MRPL39: variants seen among roughly 807,000 people sequenced by gnomAD.
MRPL39 encodes the protein large ribosomal subunit protein mL39.
Under a neutral mutation model 44.5 loss-of-function variants are expected in MRPL39, and 35 were observed. The ratio of observed to expected loss-of-function variants is 0.79; its 90% CI spans 0.60 to 1.04. The LOEUF is 1.04. Ranked by LOEUF, MRPL39 falls within the 50% of genes least tolerant of loss-of-function variation. The pLI is 0.00. For synonymous variants in MRPL39, 139 were observed against 136.1 expected (o/e 1.02, Z -0.15); for missense variants, 433 against 413.5 (o/e 1.05, Z -0.41).
intron 5 of MRPL39, among the ~76,000 whole-genome samples, chr21:25,599,125 T>TA (rs2031448183): frequency 6.6e-6 from 1 of 152,204 alleles, no homozygotes; most frequent in African/African-American, 2.4e-5. Context: ...CAGCACCCCT[T>TA]ACCTACTGAG....
intron 9 of MRPL39, among the ~76,000 whole-genome samples, chr21:25,587,427 G>T (rs2031033711): frequency 6.6e-6 from 1 of 152,078 alleles, no homozygotes; most frequent in Admixed American, 6.5e-5. Context: ...GAACATTATG[G>T]TGAAGTCCCT....
intron 2 of MRPL39, 86 bp from the exon 3 acceptor site, chr21:25,604,021 T>C (rs2031596485): frequency 7.9e-7 from 1 of 1,272,452 alleles, no homozygotes. Flanking sequence ...AATATAACAA[T>C]GGAAAGGCAA....
At chr21:25,589,693 TGGGCAGGCCAGTGA>T (rs2031111580) in intron 8 of MRPL39, among the ~76,000 whole-genome samples, 1 of 152,222 alleles carries the variant, frequency 6.6e-6, no homozygotes, top group Non-Finnish European at 1.5e-5. Context: ...ACAAGACATA[TGGGCAGGCCAGTGA>T]CTACTCCACA....
intron 1 of MRPL39, among the ~76,000 whole-genome samples, chr21:25,607,101 G>A (rs529582126): frequency 1.3e-5 from 2 of 152,376 alleles, no homozygotes; most frequent in Admixed American, 6.5e-5. Context: ...AGTATTCCTT[G>A]GGAAGACATG....
At position 25,591,079 on chromosome 21, in the gene MRPL39, C is replaced by CA. The variant is rs55796940; in HGVS notation, c.921+1732dup. On this transcript the variant is annotated intron_variant, in intron 8 of 9. Transcript: ENST00000352957. ...GGAGCAATCTGACATCTATAGCCCA[C>CA]AAAAAAAAAAAAAAAAAAAAAAAAC... Among the ~76,000 whole-genome samples, 317 of 128,960 alleles carry CA rather than the reference C, an allele frequency of 2.5e-3. 1 individual carries two copies. Among genetic ancestry groups the CA allele is most frequent in the African/African-American group, 8.0e-3 (269 of 33,546 alleles). The allele number at this position is 128,960 out of a possible 152,430, so 84.6% of individuals were successfully genotyped here.
At chr21:25,594,025 C>A in intron 6 of MRPL39, 67 bp from the exon 7 acceptor site, 1 of 1,278,600 alleles carries the variant, frequency 7.8e-7, no homozygotes. Flanking sequence ...TTAAAGATAC[C>A]TCCCTTTCTC....
At chr21:25,605,561 T>C (rs963498246) in intron 2 of MRPL39, among the ~76,000 whole-genome samples, 3 of 152,172 alleles carry the variant, frequency 2.0e-5, no homozygotes, top group African/African-American at 7.2e-5. Flanking sequence ...TCTGAGGCCA[T>C]GGCAATCCCT....
At chr21:25,593,225 A>T (rs1240975886) in intron 7 of MRPL39, among the ~76,000 whole-genome samples, 1 of 152,208 alleles carries the variant, frequency 6.6e-6, no homozygotes, top group Non-Finnish European at 1.5e-5. Context: ...GCAACACATC[A>T]TGCTATCAAG....
At chr21:25,601,729 G>T (rs1487171906) in intron 3 of MRPL39, among the ~76,000 whole-genome samples, 1 of 152,142 alleles carries the variant, frequency 6.6e-6, no homozygotes, top group Non-Finnish European at 1.5e-5. Context: ...TATCAACCCC[G>T]ACAGATAGTT....
upstream of MRPL39, chr21:25,607,509 C>G: frequency 6.2e-7 from 1 of 1,601,486 alleles, no homozygotes; most frequent in Non-Finnish European, 8.5e-7. Flanking sequence ...GCAAGTCCTT[C>G]TCCGCCCTCC....
intron 9 of MRPL39, 31 bp downstream of exon 9, chr21:25,588,804 A>G: frequency 1.3e-6 from 2 of 1,570,956 alleles, no homozygotes; most frequent in Non-Finnish European, 8.7e-7. Flanking sequence ...TCTTTATAGA[A>G]GAGTACTCAA....
intron 6 of MRPL39, 23 bp from the exon 7 acceptor site, chr21:25,593,981 A>G: frequency 6.2e-7 from 1 of 1,601,174 alleles, no homozygotes; most frequent in Admixed American, 1.7e-5. Context: ...AAAGAAAAAA[A>G]CATTTTTTTA....
chr21:25,602,489 G>C (rs2031550622), intron 3 of MRPL39, among the ~76,000 whole-genome samples: 1 of 152,088 alleles, frequency 6.6e-6, no homozygotes, highest in Non-Finnish European at 1.5e-5. Flanking sequence ...CTCATTGTTG[G>C]CTATTACTGT....
Position 25,597,426 on chromosome 21 carries a change from A to C in MRPL39, c.589-12T>G. 1 of 1,427,510 alleles carries C rather than the reference A, an allele frequency of 7.0e-7. No homozygotes were observed. The highest frequency in any genetic ancestry group is 9.8e-7 in the Non-Finnish European group (1 of 1,024,480). The allele number at this position is 1,427,510 out of a possible 1,614,324, so 88.4% of individuals were successfully genotyped here. A position where few individuals can be genotyped will look rare whatever the true frequency, so the allele number is the denominator to read the frequency against. On this transcript the variant is annotated splice_polypyrimidine_tract_variant and intron_variant, in intron 5 of 9. Coordinates refer to ENST00000352957, the MANE Select transcript of MRPL39 (RefSeq NM_017446.4). ...GAACGTAAGTTCTCCTTAAAAATGAAAGTAATAACCTTTAGTAACAATTCA... is the reference window on the plus strand; with the variant it reads ...GAACGTAAGTTCTCCTTAAAAATGACAGTAATAACCTTTAGTAACAATTCA...
Position 25,597,351 on chromosome 21 carries a change from T to G in MRPL39, c.652A>C (p.Thr218Pro). ...ALIYKDLPFE[T>P]LEVEAKVALE... The stretch of plus-strand genomic sequence containing the variant: ...GCCACTTTTGCTTCAACTTCCAGAG[T>G]TTCAAATGGAAGATCTTTATAAATT... The change falls in exon 6 of 10, where the codon ACT (threonine) becomes CCT (proline). Residue 218 changes from threonine to proline, a missense_variant. Coordinates refer to ENST00000352957, the MANE Select transcript of MRPL39 (RefSeq NM_017446.4). The G allele has an allele frequency of 1.9e-6, 3 of 1,603,844 alleles. No individual in the cohort carries two copies. The highest frequency in any genetic ancestry group is 1.7e-6 in the Non-Finnish European group (2 of 1,174,050).
In MRPL39 at chr21:25,603,948, AAC is replaced by A. The variant is rs752536491; in HGVS notation, c.281-15_281-14del. The A allele has an allele frequency of 4.4e-6, 7 of 1,599,970 alleles. No homozygotes were observed. ...CACTCGCTTAAATCTAGAAATTTAA[AAC>A]AGACTGATTATCTAACAAAATCCAG... On this transcript the variant is annotated splice_polypyrimidine_tract_variant and intron_variant, in intron 2 of 9. Transcript: ENST00000352957.
In MRPL39 at chr21:25,592,858, C is replaced by G; in HGVS notation, c.875G>C (p.Ser292Thr). 1 of 1,612,978 alleles carries G rather than the reference C, an allele frequency of 6.2e-7. No individual in the cohort carries two copies. The highest frequency in any genetic ancestry group is 1.3e-5 in the African/African-American group (1 of 75,006). ...CACGCCCTGGAATCTTCGTATGAGACTTGGCTGGGTGGGTTGAAGATTGTG... is the reference window on the plus strand; with the variant it reads ...CACGCCCTGGAATCTTCGTATGAGAGTTGGCTGGGTGGGTTGAAGATTGTG... Reference protein sequence around the residue: ...AVHNLQPTQPSLIRRFQGVSL... With the variant: ...AVHNLQPTQPTLIRRFQGVSL... The change falls in exon 8 of 10, where the codon AGT (serine) becomes ACT (threonine). Residue 292 changes from serine (S) to threonine (T), a missense_variant. Coordinates refer to ENST00000352957, the MANE Select transcript of MRPL39 (RefSeq NM_017446.4).
intron 7 of MRPL39, 44 bp from the exon 8 acceptor site, chr21:25,593,009 A>G: frequency 1.3e-6 from 2 of 1,491,262 alleles, no homozygotes; most frequent in African/African-American, 1.4e-5. Flanking sequence ...AACATCAAAT[A>G]ATTTGTAAGA....
rs377561797 is a variant in MRPL39 at position 25,603,803 on chromosome 21, A to G, written c.413T>C (p.Val138Ala). The G allele has an allele frequency of 1.3e-5, 21 of 1,606,356 alleles. No individual in the cohort carries two copies. In the African/African-American group the frequency reaches 2.8e-4, roughly 22 times the overall value. The change falls in exon 3 of 10, where the codon GTG (valine) becomes GCG (alanine). Residue 138 changes from valine to alanine, a missense_variant. Coordinates refer to ENST00000352957, the MANE Select transcript of MRPL39 (RefSeq NM_017446.4). The stretch of plus-strand genomic sequence containing the variant: ...ATGTAGAGATAGAAATACCTTATTC[A>G]CTTCTCCTGGATCACAATCTTTGAA... ...LTFKDCDPGE[V>A]NKAYWRSCAM...
Sources: gnomAD v4.1 joint callset for allele counts (sites outside exome capture counted in the v4.1 genomes callset) on GRCh38, gnomAD v4.1.1 for gene constraint, MANE v1.5 for transcripts, NCBI Gene and HGNC (gene_info 2026-07-23, HGNC 2026-07-21) for gene names.